ZNF726: variants seen among roughly 807,000 people sequenced by gnomAD.
ZNF726 encodes zinc finger protein 92 pseudogene 3.
Under a neutral mutation model 11.6 loss-of-function variants are expected in ZNF726, and 15 were observed. That is an observed-to-expected ratio of 1.29 (90% CI 0.86 to 1.99). The LOEUF is 1.99. ZNF726 is among the 30% of genes most tolerant of loss of function. The probability of loss-of-function intolerance (pLI) is 0.00; values close to 1 mark genes in which losing one functional copy is unlikely to be tolerated. For missense variants in ZNF726, 890 were observed against 725.6 expected, an observed-to-expected ratio of 1.23 and a Z score of -2.60; for synonymous variants, 295 against 243.6, an observed-to-expected ratio of 1.21 and a Z score of -1.96.
chr19:23,932,770 T>A lies in ZNF726; in HGVS notation c.654T>A (p.Asn218Lys), dbSNP rs1568380116. ...KTFNWSSTLTNHKKTHTEEKP... is the reference protein window; with the variant it reads ...KTFNWSSTLTKHKKTHTEEKP... ...TTAATTGGTCCTCAACCCTTACTAA[T>A]CATAAGAAAACTCATACTGAAGAAA... Residue 218 changes from asparagine to lysine, a missense_variant, in exon 4 of 4, where the codon AAT becomes AAA. Transcript: ENST00000594466. The A allele has an allele frequency of 6.2e-7, 1 of 1,612,520 alleles. No individual in the cohort carries two copies. Among genetic ancestry groups the A allele is most frequent in the African/African-American group, 1.3e-5 (1 of 74,942 alleles).
chr19:23,928,444 G>T (rs915455658), intron 3 of ZNF726: 1 of 151,906 alleles, frequency 6.6e-6, no homozygotes, highest in South Asian at 2.1e-4. Context: ...CTTTACTTTT[G>T]TCAATATTTA....
chr19:23,917,597 T>A (rs2076137889), intron 1 of ZNF726, among the ~76,000 whole-genome samples: 1 of 152,208 alleles, frequency 6.6e-6, no homozygotes, highest in Admixed American at 6.5e-5. Context: ...ACTGAAAACT[T>A]CAGTTCCTTT....
chr19:23,916,506 G>T (rs10420785), intron 1 of ZNF726, among the ~76,000 whole-genome samples: 35,969 of 151,798 alleles, frequency 0.24, 4,469 homozygotes, highest in African/African-American at 0.27. Flanking sequence ...AATTTTTGTA[G>T]TTTTAGTAGA....
rs1481966088 is a variant in ZNF726 at position 23,934,266 on chromosome 19, G to A, written c.*299G>A. 1 of 584,888 alleles carries A rather than the reference G, an allele frequency of 1.7e-6. No individual in the cohort carries two copies. The highest frequency in any genetic ancestry group is 3.4e-6 in the Non-Finnish European group (1 of 297,724). The allele number at this position is 584,888 out of a possible 1,614,324, so 36.2% of individuals were successfully genotyped here. ...CAAAGCATATGGTCCACACCCCTAA[G>A]TAGACATAAGAGGATGCACACTGGA... On this transcript the variant is annotated 3_prime_UTR_variant, in exon 4 of 4. Coordinates refer to ENST00000594466, the MANE Select transcript of ZNF726 (RefSeq NM_001244038.2).
chr19:23,929,770 G>A (rs1599464910), intron 3 of ZNF726, among the ~76,000 whole-genome samples: 1 of 151,906 alleles, frequency 6.6e-6, no homozygotes, highest in East Asian at 1.9e-4. Context: ...ATTTTATATT[G>A]TGTATTAACA....
chr19:23,939,164 C>G (rs938653018), downstream of ZNF726, among the ~76,000 whole-genome samples: 7 of 150,982 alleles, frequency 4.6e-5, no homozygotes. Context: ...TTTTATCATT[C>G]TTATACCTTT....
At chr19:23,928,959 G>C (rs974356486) in intron 3 of ZNF726, 3 of 151,944 alleles carry the variant, frequency 2.0e-5, no homozygotes, top group Non-Finnish European at 4.4e-5. Flanking sequence ...ATCACACCTA[G>C]CTAGTTTTTT....
At chr19:23,937,794 T>A (rs947456802), downstream of ZNF726, among the ~76,000 whole-genome samples, 2 of 152,210 alleles carry the variant, frequency 1.3e-5, no homozygotes, top group Non-Finnish European at 2.9e-5. Flanking sequence ...CAAGGCAGGC[T>A]GCTGGGAGGT....
intron 3 of ZNF726, chr19:23,921,600 GC>G (rs1435001791): frequency 6.6e-6 from 1 of 151,978 alleles, no homozygotes; most frequent in Admixed American, 6.6e-5. Context: ...TTTATGAGCT[GC>G]TTGGTTAAAT....
intron 3 of ZNF726, among the ~76,000 whole-genome samples, chr19:23,926,653 A>T (rs993661586): frequency 2.0e-5 from 3 of 151,326 alleles, no homozygotes; most frequent in African/African-American, 7.3e-5. Flanking sequence ...ATCGAACTTC[A>T]TTTTATCGTT....
At chr19:23,934,741 T>A (rs950637126), downstream of ZNF726, among the ~76,000 whole-genome samples, 6 of 152,182 alleles carry the variant, frequency 3.9e-5, no homozygotes, top group Non-Finnish European at 7.3e-5. Flanking sequence ...TCTGAGCTCT[T>A]TTTCCTTTTT....
intron 3 of ZNF726, among the ~76,000 whole-genome samples, chr19:23,930,947 G>C (rs150432038): frequency 2.5e-4 from 38 of 151,986 alleles, no homozygotes; most frequent in African/African-American, 9.2e-4. Flanking sequence ...ATCTTAATAC[G>C]TATTAAACAG....
chr19:23,940,951 C>T (rs62114246), intron 3 of ZNF726, among the ~76,000 whole-genome samples: 17,366 of 152,114 alleles, frequency 0.11, 1,082 homozygotes, highest in Middle Eastern at 0.2. Flanking sequence ...GTTTGACTTC[C>T]TGTTTACTGA....
At chr19:23,925,702 GT>G (rs1333201887) in intron 3 of ZNF726, among the ~76,000 whole-genome samples, 7 of 141,600 alleles carry the variant, frequency 4.9e-5, no homozygotes, top group African/African-American at 1.6e-4. Flanking sequence ...TGATTGTTCA[GT>G]TTTTCTTTTC....
chr19:23,930,540 CAT>C (rs1276446962), intron 3 of ZNF726, among the ~76,000 whole-genome samples: 7 of 151,878 alleles, frequency 4.6e-5, no homozygotes, highest in Admixed American at 2.6e-4. Context: ...ATGAATTAGC[CAT>C]ATGTCTTTTT....
Position 23,932,693 on chromosome 19 carries a change from A to G in ZNF726, c.577A>G (p.Ser193Gly), listed in dbSNP as rs1208549789. 1.3e-6 allele frequency: 2 copies of G among 1,596,844 alleles called. No individual in the cohort carries two copies. Among genetic ancestry groups the G allele is most frequent in the Non-Finnish European group, 1.7e-6 (2 of 1,175,102 alleles). ...CMFSHKTQHK[S>G]IYTTEKSYKC... Reference sequence around the variant, plus strand: ...GTTTTCACACAAAACCCAGCATAAAAGCATATATACTACAGAGAAGTCCTA... The same window carrying G: ...GTTTTCACACAAAACCCAGCATAAAGGCATATATACTACAGAGAAGTCCTA... Residue 193 changes from serine (S) to glycine (G), a missense_variant, in exon 4 of 4, where the codon AGC becomes GGC. Ser to Gly is a moderately conservative substitution (Grantham distance 56). Transcript: ENST00000594466.
downstream of ZNF726, among the ~76,000 whole-genome samples, chr19:23,934,929 G>A (rs189962231): frequency 1.3e-5 from 2 of 152,234 alleles, no homozygotes; most frequent in Admixed American, 6.5e-5. Context: ...CTGCTTAGGG[G>A]CATTTGCTTT....
At chr19:23,919,074 AT>A (rs1305285459) in intron 1 of ZNF726, 1 of 236,046 alleles carries the variant, frequency 4.2e-6, no homozygotes, top group East Asian at 1.3e-4. Flanking sequence ...TACACAACTC[AT>A]TCAGTATTAT....
chr19:23,937,354 G>A (rs1968259037), downstream of ZNF726, among the ~76,000 whole-genome samples: 1 of 151,926 alleles, frequency 6.6e-6, no homozygotes, highest in Admixed American at 6.5e-5. Flanking sequence ...CAGATGGGGT[G>A]GCTGCTGGGC....
Sources: gnomAD v4.1 joint callset for allele counts (sites outside exome capture counted in the v4.1 genomes callset) on GRCh38, gnomAD v4.1.1 for gene constraint, MANE v1.5 for transcripts, NCBI Gene and HGNC (gene_info 2026-07-23, HGNC 2026-07-21) for gene names.